Variants in ADK observed in about 807,000 individuals in gnomAD.
ADK encodes the protein adenosine kinase, also known as N6,N6-dimethyladenosine kinase.
In ADK, 24 loss-of-function variants were observed where a neutral mutation model predicts 44.7. The ratio of observed to expected loss-of-function variants is 0.54; its 90% CI spans 0.39 to 0.76. ADK has a LOEUF of 0.76. ADK is among the 30% of genes least tolerant of loss of function. ADK has a pLI of 0.00. For synonymous variants in ADK, 128 were observed against 142.6 expected (o/e 0.90, Z 0.73); for missense variants, 321 against 425.1 (o/e 0.76, Z 2.15).
At chr10:74,578,816 C>T (rs1056104528) in intron 7 of ADK, among the ~76,000 whole-genome samples, 1 of 152,124 alleles carries the variant, frequency 6.6e-6, no homozygotes, top group African/African-American at 2.4e-5. Flanking sequence ...GGTAATTCTT[C>T]AGAGCATGTC....
intron 3 of ADK, among the ~76,000 whole-genome samples, chr10:74,294,741 AAAGTT>A (rs1418355671): frequency 2.0e-5 from 3 of 152,222 alleles, no homozygotes; most frequent in African/African-American, 7.2e-5. Flanking sequence ...GACCACTAAT[AAAGTT>A]AAGCTTTTAA....
At position 74,525,238 on chromosome 10, in the gene ADK, C is replaced by A. The variant is rs1372825225; in HGVS notation, c.556-18C>A. On this transcript the variant is annotated intron_variant, in intron 6 of 10. Transcript: ENST00000539909. Reference sequence around the variant, plus strand: ...GGAGATGGTATTTCTAATTTTCCCTCCTTTTTTCTTCATCCAGGGCTTTTT... The same window carrying A: ...GGAGATGGTATTTCTAATTTTCCCTACTTTTTTCTTCATCCAGGGCTTTTT... The A allele has an allele frequency of 6.2e-7, 1 of 1,612,528 alleles. No individual in the cohort carries two copies. Among genetic ancestry groups the A allele is most frequent in the Non-Finnish European group, 8.5e-7 (1 of 1,178,796 alleles).
At chr10:74,239,043 A>G (rs1329141127) in intron 3 of ADK, among the ~76,000 whole-genome samples, 2 of 151,872 alleles carry the variant, frequency 1.3e-5, no homozygotes, top group Non-Finnish European at 2.9e-5. Flanking sequence ...TCATATTTTT[A>G]GTAGAGAGTA....
chr10:74,627,482 A>G (rs1203808706), intron 9 of ADK, among the ~76,000 whole-genome samples: 3 of 151,992 alleles, frequency 2.0e-5, no homozygotes. Flanking sequence ...CTGTCTAAAG[A>G]AAAAAAGCTT....
chr10:74,295,858 G>A (rs974917663), intron 3 of ADK, among the ~76,000 whole-genome samples: 2 of 151,736 alleles, frequency 1.3e-5, no homozygotes, highest in Admixed American at 1.3e-4. Flanking sequence ...TTTGTCTTAA[G>A]TGTTAAAATG....
intron 1 of ADK, among the ~76,000 whole-genome samples, chr10:74,159,971 C>T (rs917930316): frequency 6.6e-6 from 1 of 152,170 alleles, no homozygotes; most frequent in East Asian, 1.9e-4. Flanking sequence ...TTATCTCTCA[C>T]GTAGGCCATT....
At chr10:74,374,002 A>G (rs1842747625) in intron 4 of ADK, among the ~76,000 whole-genome samples, 1 of 152,168 alleles carries the variant, frequency 6.6e-6, no homozygotes, top group South Asian at 2.1e-4. Context: ...TTTTGAAAAT[A>G]TCGTGCTAAA....
rs35239000 is a variant in ADK at position 74,253,913 on chromosome 10, C to G, written c.194+29322C>G. Among the ~76,000 whole-genome samples, 33 of 151,830 alleles carry G rather than the reference C, an allele frequency of 2.2e-4. No homozygotes were observed. In the East Asian group the frequency reaches 2.9e-3, roughly 13 times the overall value. On this transcript the variant is annotated intron_variant, in intron 3 of 10. Transcript: ENST00000539909. ...TCCTGAGCAGCTGAGACTACAGGCA[C>G]GCACCATCATGCCTAACAAATTTTT... is the stretch of plus-strand genomic sequence containing the variant.
intron 6 of ADK, among the ~76,000 whole-genome samples, chr10:74,424,274 C>T (rs1315205487): frequency 6.6e-6 from 1 of 152,116 alleles, no homozygotes; most frequent in Non-Finnish European, 1.5e-5. Context: ...CATGGTGGCT[C>T]ATGCCTGTAA....
At chr10:74,155,125 C>T (rs1841711633) in intron 1 of ADK, among the ~76,000 whole-genome samples, 1 of 152,184 alleles carries the variant, frequency 6.6e-6, no homozygotes, top group South Asian at 2.1e-4. Context: ...AACTGTTTCA[C>T]TTCCATGGAC....
At chr10:74,609,721 T>C (rs947589051) in intron 9 of ADK, among the ~76,000 whole-genome samples, 2 of 152,196 alleles carry the variant, frequency 1.3e-5, no homozygotes, top group African/African-American at 4.8e-5. Context: ...TTTTAAATGA[T>C]CACACTGTTA....
intron 7 of ADK, 143 bp from the exon 8 acceptor site, chr10:74,589,139 T>C (rs1036660055): frequency 5.6e-6 from 4 of 716,282 alleles, no homozygotes; most frequent in East Asian, 5.5e-5. Context: ...GAAATCTTTA[T>C]TGCTGTAAGA....
chr10:74,416,163 TA>T (rs201702804), intron 6 of ADK, among the ~76,000 whole-genome samples: 161 of 151,210 alleles, frequency 1.1e-3, no homozygotes, highest in Non-Finnish European at 1.8e-3. Context: ...ACGTGAAGCT[TA>T]AAAAAAAATT....
At chr10:74,485,494 T>TAAATAAAA in intron 6 of ADK, among the ~76,000 whole-genome samples, 1 of 151,008 alleles carries the variant, frequency 6.6e-6, no homozygotes, top group African/African-American at 2.4e-5. Flanking sequence ...AATAAATAAA[T>TAAATAAAA]AAATAAATAA....
chr10:74,572,614 A>G (rs971802897), intron 7 of ADK, among the ~76,000 whole-genome samples: 2 of 152,080 alleles, frequency 1.3e-5, no homozygotes, highest in African/African-American at 4.8e-5. Flanking sequence ...ACTTGGTTCC[A>G]TTCTCCCCGT....
At chr10:74,186,674 A>G (rs1042958863) in intron 1 of ADK, among the ~76,000 whole-genome samples, 2 of 152,156 alleles carry the variant, frequency 1.3e-5, no homozygotes. Flanking sequence ...TTTACTATAG[A>G]TGTTAGTTCT....
rs770977266 is a variant in ADK at position 74,670,191 on chromosome 10, G to A, written c.886G>A (p.Val296Ile). 1 of 1,613,652 alleles carries A rather than the reference G, an allele frequency of 6.2e-7. No individual in the cohort carries two copies. Among genetic ancestry groups the A allele is most frequent in the African/African-American group, 1.3e-5 (1 of 74,914 alleles). Residue 296 changes from valine (V) to isoleucine (I), a missense_variant, in exon 10 of 11, where the codon GTC becomes ATC. Coordinates refer to ENST00000539909, the MANE Select transcript of ADK (RefSeq NM_006721.4). ...TTTGGCTCTAATTGCAGAAAGTGAA[G>A]TCACTGCTTTTGCTGTCTTGGATCA... The part of the protein sequence containing the change: ...DDTIMATESE[V>I]TAFAVLDQDQ...
intron 2 of ADK, among the ~76,000 whole-genome samples, chr10:74,202,633 ATTT>A (rs1843437435): frequency 6.6e-6 from 1 of 152,094 alleles, no homozygotes; most frequent in African/African-American, 2.4e-5. Context: ...CTTATTTTTT[ATTT>A]TTTAAATTAT....
chr10:74,540,529 G>A (rs923651124), intron 7 of ADK, among the ~76,000 whole-genome samples: 1 of 151,510 alleles, frequency 6.6e-6, no homozygotes, highest in Admixed American at 6.6e-5. Flanking sequence ...ATGCAATCTC[G>A]GCTCACTGCA....
Sources: allele counts gnomAD v4.1 joint callset (sites outside exome capture counted in the v4.1 genomes callset), GRCh38; gene constraint gnomAD v4.1.1; transcripts MANE v1.5; gene names NCBI Gene and HGNC (gene_info 2026-07-23, HGNC 2026-07-21).